SIPA1L3: variants seen among roughly 807,000 people sequenced by gnomAD.
The protein encoded by SIPA1L3 is signal-induced proliferation-associated 1-like protein 3.
Under a neutral mutation model 150.1 loss-of-function variants are expected in SIPA1L3, and 59 were observed. That is an observed-to-expected ratio of 0.39 (90% confidence interval 0.32 to 0.49). The LOEUF (loss-of-function observed/expected upper bound fraction) is 0.49, where lower values mean the gene tolerates loss of function less well. Among genes scored for constraint, SIPA1L3 ranks in the 20% least tolerant of loss-of-function variants. SIPA1L3 has a pLI of 0.86. For synonymous variants in SIPA1L3, 1,070 were observed against 1,077.6 expected, an observed-to-expected ratio of 0.99 and a Z score of 0.14; for missense variants, 2,211 against 2,489.5, an observed-to-expected ratio of 0.89 and a Z score of 2.38.
At chr19:38,137,273 C>T (rs936670370) in intron 10 of SIPA1L3, among the ~76,000 whole-genome samples, 2 of 152,068 alleles carry the variant, frequency 1.3e-5, no homozygotes, top group Non-Finnish European at 2.9e-5. Context: ...ACTGCAACCT[C>T]CGCTTCCCAG....
intron 16 of SIPA1L3, among the ~76,000 whole-genome samples, chr19:38,188,482 C>T (rs1972736322): frequency 6.6e-6 from 1 of 151,894 alleles, no homozygotes; most frequent in African/African-American, 2.4e-5. Flanking sequence ...CCATGCCAGG[C>T]CCAAAATTTA....
chr19:37,941,129 C>A (rs1374029723), intron 1 of SIPA1L3, among the ~76,000 whole-genome samples: 1 of 149,084 alleles, frequency 6.7e-6, no homozygotes, highest in Non-Finnish European at 1.5e-5. Flanking sequence ...CACACTGTTT[C>A]TTTTTTGGCA....
chr19:37,948,397 G>A (rs1386929564), intron 1 of SIPA1L3, among the ~76,000 whole-genome samples: 2 of 151,798 alleles, frequency 1.3e-5, no homozygotes, highest in Non-Finnish European at 2.9e-5. Flanking sequence ...GCCTGGGAAG[G>A]TTAAGGCTGC....
intron 1 of SIPA1L3, among the ~76,000 whole-genome samples, chr19:38,004,266 A>C (rs1967881861): frequency 6.6e-6 from 1 of 152,226 alleles, no homozygotes; most frequent in Non-Finnish European, 1.5e-5. Flanking sequence ...ATTTAGGCAA[A>C]AAGTGGGCAT....
Position 38,208,340 on chromosome 19 carries a change from G to A in SIPA1L3, c.*2100G>A, listed in dbSNP as rs1973276666. 1 of 151,202 alleles carries A rather than the reference G, an allele frequency of 6.6e-6. No individual in the cohort carries two copies. Among genetic ancestry groups the A allele is most frequent in the South Asian group, 2.1e-4 (1 of 4,768 alleles). 9.4% of individuals were successfully genotyped at this position (151,202 alleles called of 1,614,324 possible). On this transcript the variant is annotated 3_prime_UTR_variant, in exon 22 of 22. Transcript: ENST00000222345. Reference sequence around the variant, plus strand: ...GAGATTTTCTGGCATGTTTCTGGAGGTTTCAAAGGAAATAAAGGTTTCATA... The same window carrying A: ...GAGATTTTCTGGCATGTTTCTGGAGATTTCAAAGGAAATAAAGGTTTCATA...
At chr19:38,111,226 C>T (rs1340480670) in intron 8 of SIPA1L3, among the ~76,000 whole-genome samples, 1 of 151,802 alleles carries the variant, frequency 6.6e-6, no homozygotes, top group African/African-American at 2.4e-5. Context: ...GAGATGGGGT[C>T]TCTCTGTTTT....
chr19:38,023,661 C>T (rs560250294), intron 1 of SIPA1L3, among the ~76,000 whole-genome samples: 93 of 152,300 alleles, frequency 6.1e-4, no homozygotes, highest in African/African-American at 2.2e-3. Flanking sequence ...GATGCTCTGG[C>T]GGTCTAGAAA....
In SIPA1L3 at chr19:38,016,618, C is replaced by T. The variant is rs146973374; in HGVS notation, c.-378-12471C>T. Among the ~76,000 whole-genome samples, 9 of 152,106 alleles carry T rather than the reference C, an allele frequency of 5.9e-5. No individual in the cohort carries two copies. In the East Asian group the frequency reaches 7.8e-4, roughly 13 times the overall value. On this transcript the variant is annotated intron_variant, in intron 1 of 21. Transcript: ENST00000222345. ...AGCAATTCTCCTGCCTCAGCCTCCCCGGTAACTGGGATTACGGGCACATGC... is the reference window on the plus strand; with the variant it reads ...AGCAATTCTCCTGCCTCAGCCTCCCTGGTAACTGGGATTACGGGCACATGC...
At chr19:38,176,841 C>A (rs1451806247) in intron 15 of SIPA1L3, among the ~76,000 whole-genome samples, 2 of 151,900 alleles carry the variant, frequency 1.3e-5, no homozygotes, top group Non-Finnish European at 2.9e-5. Context: ...TGTGGTGGCA[C>A]ATGCCTGTAA....
chr19:38,130,410 G>T, intron 9 of SIPA1L3, 88 bp from the exon 10 acceptor site: 2 of 1,411,236 alleles, frequency 1.4e-6, no homozygotes, highest in Non-Finnish European at 1.9e-6. Flanking sequence ...GCAGGTTTTT[G>T]GCTTCAAAGC....
Position 38,088,724 on chromosome 19 carries a change from A to G in SIPA1L3, c.1538A>G (p.His513Arg), listed in dbSNP as rs1600049331. The G allele has an allele frequency of 6.2e-7, 1 of 1,613,666 alleles. No individual in the cohort carries two copies. The highest frequency in any genetic ancestry group is 8.5e-7 in the Non-Finnish European group (1 of 1,179,720). Residue 513 changes from histidine to arginine, a missense_variant, in exon 4 of 22, where the codon CAT becomes CGT. By Grantham distance (29) the His-to-Arg change is conservative. Coordinates refer to ENST00000222345, the MANE Select transcript of SIPA1L3 (RefSeq NM_015073.3). ...YYQDYFVGKEHANYFGVDEKL... is the reference protein window; with the variant it reads ...YYQDYFVGKERANYFGVDEKL... ...CTCGCCTGCTCTTCCTTCTTAGAACATGCCAATTACTTCGGCGTGGATGAG... is the reference window on the plus strand; with the variant it reads ...CTCGCCTGCTCTTCCTTCTTAGAACGTGCCAATTACTTCGGCGTGGATGAG...
At chr19:38,043,521 T>C (rs1968975353) in intron 2 of SIPA1L3, among the ~76,000 whole-genome samples, 1 of 152,206 alleles carries the variant, frequency 6.6e-6, no homozygotes, top group South Asian at 2.1e-4. Context: ...CCTTCTAGGG[T>C]TGCCTTTCTA....
chr19:38,078,575 GAC>G (rs1213258304), intron 2 of SIPA1L3, among the ~76,000 whole-genome samples: 8 of 144,908 alleles, frequency 5.5e-5, no homozygotes, highest in Admixed American at 1.4e-4. Flanking sequence ...CATACACAGA[GAC>G]ACGCACACAC....
intron 20 of SIPA1L3, among the ~76,000 whole-genome samples, chr19:38,202,643 C>A (rs952926071): frequency 1.3e-5 from 2 of 152,148 alleles, no homozygotes; most frequent in Non-Finnish European, 2.9e-5. Context: ...AATCCCCCAG[C>A]CCTGTGCCTC....
intron 16 of SIPA1L3, among the ~76,000 whole-genome samples, chr19:38,189,494 G>A (rs564673959): frequency 1.3e-5 from 2 of 152,144 alleles, no homozygotes; most frequent in East Asian, 3.9e-4. Flanking sequence ...GGCCAGGCGC[G>A]GTGGCCCATG....
intron 18 of SIPA1L3, among the ~76,000 whole-genome samples, chr19:38,194,718 C>T (rs983529785): frequency 2.6e-5 from 4 of 152,152 alleles, no homozygotes; most frequent in East Asian, 3.9e-4. Flanking sequence ...GGAGGAGACT[C>T]TGGGAATTTT....
At chr19:38,193,929 G>A (rs943496627) in intron 18 of SIPA1L3, 149 bp downstream of exon 18, 12 of 929,356 alleles carry the variant, frequency 1.3e-5, no homozygotes, top group African/African-American at 3.5e-5. Flanking sequence ...CAGGAACTTC[G>A]GGGGGCCTGA....
chr19:38,108,897 G>A (rs1395605980), intron 7 of SIPA1L3, among the ~76,000 whole-genome samples: 3 of 152,102 alleles, frequency 2.0e-5, no homozygotes, highest in African/African-American at 7.2e-5. Flanking sequence ...GCTGAGGCAG[G>A]AGAATCACTT....
At chr19:38,182,394 A>G in intron 15 of SIPA1L3, 125 bp from the exon 16 acceptor site, 1 of 734,230 alleles carries the variant, frequency 1.4e-6, no homozygotes, top group Non-Finnish European at 2.3e-6. Context: ...CACAGCGGTA[A>G]TATATTTGTG....
Sources: gnomAD v4.1 joint callset for allele counts (sites outside exome capture counted in the v4.1 genomes callset) on GRCh38, gnomAD v4.1.1 for gene constraint, MANE v1.5 for transcripts, NCBI Gene and HGNC (gene_info 2026-07-23, HGNC 2026-07-21) for gene names.